The following MEX3A variants were observed in gnomAD, a reference collection of about 807,000 sequenced individuals.
The protein encoded by MEX3A is RNA-binding protein MEX3A.
MEX3A carries 4 observed loss-of-function variants against 30.0 expected under a neutral mutation model. The ratio of observed to expected loss-of-function variants is 0.13; its 90% confidence interval spans 0.07 to 0.30. The LOEUF (loss-of-function observed/expected upper bound fraction) is 0.30. MEX3A is among the 10% of genes least tolerant of loss of function. The probability of loss-of-function intolerance (pLI) is 1.00; values close to 1 mark genes in which losing one functional copy is unlikely to be tolerated. For missense variants in MEX3A, 555 were observed against 736.7 expected (o/e 0.75, Z 2.86); for synonymous variants, 335 against 327.6 (o/e 1.02, Z -0.24).
chr1:156,077,224 G>A lies in MEX3A; in HGVS notation c.913C>T (p.Leu305=). ...ILEYNNENDF[L]AGSPDAAIDS... ...ATTGCTGCGTCGGGGCTCCCCGCCAGGAAGTCGTTTTCATTGTTGTACTCG... is the reference window on the plus strand; with the variant it reads ...ATTGCTGCGTCGGGGCTCCCCGCCAAGAAGTCGTTTTCATTGTTGTACTCG... The change falls in exon 2 of 2, where the codon CTG becomes TTG. Residue 305 remains leucine, a synonymous_variant. Coordinates refer to ENST00000532414, the MANE Select transcript of MEX3A (RefSeq NM_001093725.2). The surrounding 1 kb of genome is among the most constrained non-coding windows in gnomAD (Gnocchi z 8.3). The A allele has an allele frequency of 6.2e-7, 1 of 1,613,700 alleles. No individual in the cohort carries two copies. The highest frequency in any genetic ancestry group is 8.5e-7 in the Non-Finnish European group (1 of 1,179,854).
chr1:156,079,423 C>T (rs1369768557), intron 1 of MEX3A, among the ~76,000 whole-genome samples: 8 of 152,030 alleles, frequency 5.3e-5, no homozygotes, highest in Non-Finnish European at 1.0e-4. Context: ...ACCACGTTGG[C>T]CAGGCTGGTC....
rs1290075948 is a variant in MEX3A, at chr1:156,081,686, T to C, written c.313A>G (p.Thr105Ala). The C allele has an allele frequency of 7.3e-7, 1 of 1,371,986 alleles. No individual in the cohort carries two copies. The highest frequency in any genetic ancestry group is 9.5e-7 in the Non-Finnish European group (1 of 1,048,842). The allele number at this position is 1,371,986 out of a possible 1,614,324, so 85.0% of individuals were successfully genotyped here. ...GCGTCGCTCGCCCCTTTGGGGGCGG[T>C]GGGGGGCTGGGGCGTCTGCGCTGCG... ...APAAQTPQPPTAPKGASDAKL... is the reference protein window; with the variant it reads ...APAAQTPQPPAAPKGASDAKL... The change falls in exon 1 of 2, where the codon ACC (threonine) becomes GCC (alanine). Residue 105 changes from threonine (T) to alanine (A), a missense_variant. Thr to Ala is a moderately conservative substitution (Grantham distance 58). Coordinates refer to ENST00000532414, the MANE Select transcript of MEX3A (RefSeq NM_001093725.2).
At position 156,073,296 on chromosome 1, in the gene MEX3A, T is replaced by A. The variant is rs996196661; in HGVS notation, c.*3278A>T. On this transcript the variant is annotated 3_prime_UTR_variant, in exon 2 of 2. Transcript: ENST00000532414. The stretch of plus-strand genomic sequence containing the variant: ...CCTCTGCTGCCCCCAACCCAGCCCC[T>A]GTCTTATTGAGATGATCAGTGTGCA... The A allele has an allele frequency of 6.5e-6, 1 of 152,782 alleles. No homozygotes were observed. Among genetic ancestry groups the A allele is most frequent in the Non-Finnish European group, 1.5e-5 (1 of 68,066 alleles). The allele number at this position is 152,782 out of a possible 1,614,324, so 9.5% of individuals were successfully genotyped here. A position where few individuals can be genotyped will look rare whatever the true frequency, so the allele number is the denominator to read the frequency against.
In MEX3A at chr1:156,077,491, C is replaced by A. The variant is rs1406667735; in HGVS notation, c.646G>T (p.Val216Leu). The A allele has an allele frequency of 2.5e-6, 4 of 1,613,310 alleles. 1 individual carries two copies. In the South Asian group the frequency reaches 4.4e-5, roughly 18 times the overall value. ...ACCTGGCCGGGCAGAGCAGGAGCCA[C>A]ACCAAAGGCGGCGCCTGACTTGTTG... ...SRNKSGAAFG[V>L]APALPGQVTI... The change falls in exon 2 of 2, where the codon GTG (valine) becomes TTG (leucine). Residue 216 changes from valine to leucine, a missense_variant. Val to Leu is a conservative substitution (Grantham distance 32). Transcript: ENST00000532414. The surrounding 1 kb of genome is among the most constrained non-coding windows in gnomAD (Gnocchi z 8.3).
Position 156,075,137 on chromosome 1 carries a change from C to CCCA in MEX3A, c.*1434_*1436dup, listed in dbSNP as rs1222875607. On this transcript the variant is annotated 3_prime_UTR_variant, in exon 2 of 2. Coordinates refer to ENST00000532414, the MANE Select transcript of MEX3A (RefSeq NM_001093725.2). ...GTGATTCTCAGAATAGGCCCTGCTG[C>CCCA]CCACCTCCCCCCAGTCCTGCTTTGC... is the stretch of plus-strand genomic sequence containing the variant. 6.6e-6 allele frequency: 1 copy of CCCA among 152,398 alleles called. No homozygotes were observed. Among genetic ancestry groups the CCCA allele is most frequent in the African/African-American group, 2.4e-5 (1 of 41,444 alleles). The allele number at this position is 152,398 out of a possible 1,614,324, so 9.4% of individuals were successfully genotyped here. A position where few individuals can be genotyped will look rare whatever the true frequency, so the allele number is the denominator to read the frequency against.
chr1:156,081,495 G>C (rs1218536686), intron 1 of MEX3A, 50 bp downstream of exon 1: 1 of 1,487,528 alleles, frequency 6.7e-7, no homozygotes, highest in Non-Finnish European at 9.3e-7. Flanking sequence ...CGCTAGGGAC[G>C]AGGGTGCCCC....
Position 156,076,820 on chromosome 1 carries a change from T to TCCGG in MEX3A, c.1313_1316dup (p.Leu440ArgfsTer16). ...GCTCTCCCGGGGGGCGCCTCGGGAG[T>TCCGG]CCGGCCAGCTCGGGTCCCGCGGAAG... On this transcript the variant is annotated frameshift_variant, in exon 2 of 2. Transcript: ENST00000532414. LOFTEE classifies it high-confidence loss of function. This position sits in a 1 kb window ranked among gnomAD's most constrained non-coding sequence, Gnocchi z 6.0. 1 of 1,551,628 alleles carries TCCGG rather than the reference T, an allele frequency of 6.4e-7. No homozygotes were observed. The highest frequency in any genetic ancestry group is 8.7e-7 in the Non-Finnish European group (1 of 1,147,720).
chr1:156,077,393 G>A lies in MEX3A; in HGVS notation c.744C>T (p.Arg248=). The stretch of plus-strand genomic sequence containing the variant: ...TGTATGTGTTGGTTTGCTGCTGGAT[G>A]CGCTTGATGGTTGCCCCTTTGGGGC... The part of the protein sequence containing the change: ...VVGPKGATIK[R]IQQQTNTYII... Residue 248 remains arginine, a synonymous_variant, in exon 2 of 2, where the codon CGC becomes CGT. Transcript: ENST00000532414. This position sits in a 1 kb window ranked among gnomAD's most constrained non-coding sequence, Gnocchi z 8.3. 19 of 1,613,506 alleles carry A rather than the reference G, an allele frequency of 1.2e-5. No individual in the cohort carries two copies. The highest frequency in any genetic ancestry group is 1.6e-5 in the Non-Finnish European group (19 of 1,179,734).
At position 156,076,441 on chromosome 1, in the gene MEX3A, TC is replaced by T. The variant is rs1648065468; in HGVS notation, c.*132del. On this transcript the variant is annotated 3_prime_UTR_variant, in exon 2 of 2. Transcript: ENST00000532414. This position sits in a 1 kb window ranked among gnomAD's most constrained non-coding sequence, Gnocchi z 6.0. Reference sequence around the variant, plus strand: ...CACCCTCCAGCCACCACTGCCTCCCTCCCCCCTTCCCCAGCGAGCGAGTATC... The same window carrying T: ...CACCCTCCAGCCACCACTGCCTCCCTCCCCCTTCCCCAGCGAGCGAGTATC... The T allele has an allele frequency of 1.5e-5, 14 of 937,646 alleles. No homozygotes were observed. The highest frequency in any genetic ancestry group is 3.4e-5 in the African/African-American group (2 of 58,916). 58.1% of individuals were successfully genotyped at this position (937,646 alleles called of 1,614,324 possible).
Position 156,077,024 on chromosome 1 carries a change from C to G in MEX3A, c.1113G>C (p.Pro371=), listed in dbSNP as rs369104282. ...CATCCTGCTTGCCCACGCCATAGCC[C>G]GGAAAGAGGTACCCGCCGTAGCCAA... The part of the protein sequence containing the change: ...GDFGYGGYLF[P]GYGVGKQDVY... Residue 371 remains proline, a synonymous_variant, in exon 2 of 2, where the codon CCG becomes CCC. Coordinates refer to ENST00000532414, the MANE Select transcript of MEX3A (RefSeq NM_001093725.2). The surrounding 1 kb of genome is among the most constrained non-coding windows in gnomAD (Gnocchi z 8.3). 185 of 1,613,532 alleles carry G rather than the reference C, an allele frequency of 1.1e-4. No individual in the cohort carries two copies. In the African/African-American group the frequency reaches 2.3e-3, roughly 20 times the overall value.
Position 156,076,934 on chromosome 1 carries a change from G to A in MEX3A, c.1203C>T (p.Thr401=). ...AGGAGGCAGAGGAGAAGAGCACGGA[G>A]GTGGGCGTGGCGTTCTCCTGGCCCG... ...LWAGQENATP[T]SVLFSSASSS... The change falls in exon 2 of 2, where the codon ACC becomes ACT. Residue 401 remains threonine, a synonymous_variant. Transcript: ENST00000532414. This position sits in a 1 kb window ranked among gnomAD's most constrained non-coding sequence, Gnocchi z 6.0. 1.2e-6 allele frequency: 2 copies of A among 1,602,444 alleles called. No individual in the cohort carries two copies. The highest frequency in any genetic ancestry group is 2.2e-5 in the South Asian group (2 of 89,826).
rs1181659977 is a variant in MEX3A at position 156,074,190 on chromosome 1, A to G, written c.*2384T>C. 1 of 152,046 alleles carries G rather than the reference A, an allele frequency of 6.6e-6. No homozygotes were observed. Among genetic ancestry groups the G allele is most frequent in the African/African-American group, 2.4e-5 (1 of 41,382 alleles). 9.4% of individuals were successfully genotyped at this position (152,046 alleles called of 1,614,324 possible). A position where few individuals can be genotyped will look rare whatever the true frequency, so the allele number is the denominator to read the frequency against. ...AAGATTTAACTCTGAATACAAATGT[A>G]TTTTTTTCTTCTTCTCTCCCTACAT... On this transcript the variant is annotated 3_prime_UTR_variant, in exon 2 of 2. Transcript: ENST00000532414.
chr1:156,081,833 G>A lies in MEX3A; in HGVS notation c.166C>T (p.Pro56Ser). 2.8e-6 allele frequency: 4 copies of A among 1,421,224 alleles called. No homozygotes were observed. The South Asian group carries it at 4.6e-5, about 16-fold the overall frequency. The allele number at this position is 1,421,224 out of a possible 1,614,324, so 88.0% of individuals were successfully genotyped here. A position where few individuals can be genotyped will look rare whatever the true frequency, so the allele number is the denominator to read the frequency against. Residue 56 changes from proline to serine, a missense_variant, in exon 1 of 2, where the codon CCC becomes TCC. Physicochemically the swap from Pro to Ser is moderately conservative, Grantham distance 74 (BLOSUM62 -1). This residue lies in a region of MEX3A where 159 missense variants were observed against 159.9 expected (regional missense o/e 0.99). Transcript: ENST00000532414. The stretch of plus-strand genomic sequence containing the variant: ...CCTCCCCCGTCCTCGCCCGCCGTGG[G>A]GGCGGGGGGCTCCCCCAAACCCAGG... Reference protein sequence around the residue: ...CLLGLGEPPAPTAGEDGGGGG... With the variant: ...CLLGLGEPPASTAGEDGGGGG...
Position 156,076,941 on chromosome 1 carries a change from G to A in MEX3A, c.1196C>T (p.Thr399Met). The change falls in exon 2 of 2, where the codon ACG becomes ATG. Residue 399 changes from threonine (T) to methionine (M), a missense_variant. By Grantham distance (81) the Thr-to-Met change is moderately conservative. Around this residue, in one of 6 missense-constraint regions of MEX3A, gnomAD observed 281 missense variants for 265.1 expected, o/e 1.06. Coordinates refer to ENST00000532414, the MANE Select transcript of MEX3A (RefSeq NM_001093725.2). The surrounding 1 kb of genome is among the most constrained non-coding windows in gnomAD (Gnocchi z 6.0). ...PPLWAGQENA[T>M]PTSVLFSSAS... is the part of the protein sequence containing the mutation. ...AGAGGAGAAGAGCACGGAGGTGGGC[G>A]TGGCGTTCTCCTGGCCCGCCCACAG... 1 of 1,605,608 alleles carries A rather than the reference G, an allele frequency of 6.2e-7. No individual in the cohort carries two copies. The highest frequency in any genetic ancestry group is 8.5e-7 in the Non-Finnish European group (1 of 1,176,030).
chr1:156,078,762 C>T (rs935512306), intron 1 of MEX3A, among the ~76,000 whole-genome samples: 3 of 152,142 alleles, frequency 2.0e-5, no homozygotes, highest in Admixed American at 6.5e-5. Flanking sequence ...GGGAAGCACA[C>T]GTCACGTGTG....
chr1:156,074,745 C>G lies in MEX3A; in HGVS notation c.*1829G>C, dbSNP rs939860673. The G allele has an allele frequency of 6.6e-6, 1 of 151,836 alleles. No homozygotes were observed. The highest frequency in any genetic ancestry group is 1.5e-5 in the Non-Finnish European group (1 of 67,786). 9.4% of individuals were successfully genotyped at this position (151,836 alleles called of 1,614,324 possible). ...GACATCTCAGGATGGCTCACATAGG[C>G]GGGAAGGAGGGAAGTCGTCACAGGG... is the stretch of plus-strand genomic sequence containing the variant. On this transcript the variant is annotated 3_prime_UTR_variant, in exon 2 of 2. Coordinates refer to ENST00000532414, the MANE Select transcript of MEX3A (RefSeq NM_001093725.2).
chr1:156,077,435 C>G lies in MEX3A; in HGVS notation c.702G>C (p.Val234=). 6.2e-7 allele frequency: 1 copy of G among 1,613,754 alleles called. No homozygotes were observed. The highest frequency in any genetic ancestry group is 8.5e-7 in the Non-Finnish European group (1 of 1,179,794). The change falls in exon 2 of 2, where the codon GTG becomes GTC. Residue 234 remains valine (V), a synonymous_variant. Coordinates refer to ENST00000532414, the MANE Select transcript of MEX3A (RefSeq NM_001093725.2). The surrounding 1 kb of genome is among the most constrained non-coding windows in gnomAD (Gnocchi z 8.3). ...VTIRVRVPYR[V]VGLVVGPKGA... ...CTTTGGGGCCCACCACCAGCCCCAC[C>G]ACGCGGTAGGGCACCCGCACACGGA...
intron 1 of MEX3A, among the ~76,000 whole-genome samples, chr1:156,079,862 T>G (rs188235437): frequency 8.5e-4 from 129 of 152,044 alleles, no homozygotes; most frequent in African/African-American, 3.1e-3. Context: ...GGCCTGGAGG[T>G]GCAAAGCTGG....
At position 156,081,766 on chromosome 1, in the gene MEX3A, T is replaced by A; in HGVS notation, c.233A>T (p.Gln78Leu). The A allele has an allele frequency of 1.3e-6, 1 of 795,204 alleles. No individual in the cohort carries two copies. The highest frequency in any genetic ancestry group is 1.5e-6 in the Non-Finnish European group (1 of 657,574). The allele number at this position is 795,204 out of a possible 1,614,324, so 49.3% of individuals were successfully genotyped here. Residue 78 changes from glutamine (Q) to leucine (L), a missense_variant, in exon 1 of 2, where the codon CAG (glutamine) becomes CTG (leucine). By Grantham distance (113) the Gln-to-Leu change is moderately radical. Around this residue, in one of 6 missense-constraint regions of MEX3A, gnomAD observed 159 missense variants for 159.9 expected, o/e 0.99. Transcript: ENST00000532414. ...GAPAQPAAPPQPAPPPPPAAP... is the reference protein window; with the variant it reads ...GAPAQPAAPPLPAPPPPPAAP... Reference sequence around the variant, plus strand: ...CGCGGGCGGCGGCGGCGGGGCCGGCTGCGGGGGGGCGGCCGGCTGCGCGGG... The same window carrying A: ...CGCGGGCGGCGGCGGCGGGGCCGGCAGCGGGGGGGCGGCCGGCTGCGCGGG...
Sources: allele counts gnomAD v4.1 joint callset (sites outside exome capture counted in the v4.1 genomes callset), GRCh38; gene constraint gnomAD v4.1.1; regional missense constraint gnomAD v4.1.1; non-coding constraint Gnocchi (gnomAD v3.1); transcripts MANE v1.5; gene names NCBI Gene and HGNC (gene_info 2026-07-23, HGNC 2026-07-21).